MLLT1: variants seen among roughly 807,000 people sequenced by gnomAD.
The protein encoded by MLLT1 is protein ENL.
In MLLT1, 11 loss-of-function variants were observed where a neutral mutation model predicts 55.1. The observed-to-expected ratio is 0.20, with a 90% CI of 0.13 to 0.33. The LOEUF is 0.33. Among genes scored for constraint, MLLT1 ranks in the 10% least tolerant of loss-of-function variants. MLLT1 has a pLI of 1.00. For missense variants in MLLT1, 536 were observed against 760.6 expected (o/e 0.70, Z 3.47); for synonymous variants, 323 against 320.1 (o/e 1.01, Z -0.10).
At chr19:6,272,681 C>G (rs1467931592) in intron 1 of MLLT1, among the ~76,000 whole-genome samples, 2 of 152,352 alleles carry the variant, frequency 1.3e-5, no homozygotes, top group South Asian at 4.1e-4. Context: ...TATCTTGAAA[C>G]CACGGGACAG....
chr19:6,228,876 AC>A lies in MLLT1; in HGVS notation c.420+1693del, dbSNP rs554044608. ...AGAGCGCCCAGCGCCTGGGGCAGAG[AC>A]CCCCCACGGCGCCTGCTTCAGCCTG... On this transcript the variant is annotated intron_variant, in intron 4 of 11. Transcript: ENST00000252674. 4.0e-3 allele frequency among the ~76,000 whole-genome samples: 608 copies of A among 150,556 alleles called. 3 individuals carry two copies. Among genetic ancestry groups the A allele is most frequent in the Middle Eastern group, 0.034 (10 of 290 alleles).
chr19:6,248,148 A>C (rs969646516), intron 3 of MLLT1, among the ~76,000 whole-genome samples: 2 of 152,172 alleles, frequency 1.3e-5, no homozygotes, highest in African/African-American at 4.8e-5. Context: ...TTCGCCTCCC[A>C]AAGTGCTGGG....
At chr19:6,277,486 A>G (rs1215648748) in intron 1 of MLLT1, among the ~76,000 whole-genome samples, 1 of 152,208 alleles carries the variant, frequency 6.6e-6, no homozygotes, top group Non-Finnish European at 1.5e-5. Context: ...TGAAGTTGTC[A>G]TTCGAGTTAG....
In MLLT1 at chr19:6,279,022, TG is replaced by T. The variant is rs933210714; in HGVS notation, c.12+750del. Reference sequence around the variant, plus strand: ...GAGGAGCTCAGGCCAGGGCTGGGGTTGGGAGAGAAAGGGATGCCCTGGCTGC... The same window carrying T: ...GAGGAGCTCAGGCCAGGGCTGGGGTTGGAGAGAAAGGGATGCCCTGGCTGC... On this transcript the variant is annotated intron_variant, in intron 1 of 11. Coordinates refer to ENST00000252674, the MANE Select transcript of MLLT1 (RefSeq NM_005934.4). 3.3e-4 allele frequency among the ~76,000 whole-genome samples: 50 copies of T among 151,402 alleles called. 1 individual carries two copies. The highest frequency in any genetic ancestry group is 1.2e-3 in the African/African-American group (49 of 41,208).
At chr19:6,271,163 C>G (rs2091392498) in intron 1 of MLLT1, among the ~76,000 whole-genome samples, 1 of 152,074 alleles carries the variant, frequency 6.6e-6, no homozygotes, top group Admixed American at 6.5e-5. Flanking sequence ...GGAAGCCTCC[C>G]CTGACCACCG....
rs978910113 is a variant in MLLT1, at chr19:6,211,160, G to A, written c.*1882C>T. On this transcript the variant is annotated 3_prime_UTR_variant, in exon 12 of 12. Coordinates refer to ENST00000252674, the MANE Select transcript of MLLT1 (RefSeq NM_005934.4). The surrounding 1 kb of genome is among the most constrained non-coding windows in gnomAD (Gnocchi z 4.6). ...AGAGCTCCCAGCAGCACGGGCCCCC[G>A]GTCAGCCCCCCTCAGGCCAGTTCCT... is the stretch of plus-strand genomic sequence containing the variant. 7 of 232,578 alleles carry A rather than the reference G, an allele frequency of 3.0e-5. No homozygotes were observed. Among genetic ancestry groups the A allele is most frequent in the Admixed American group, 5.6e-5 (1 of 17,756 alleles). 14.4% of individuals were successfully genotyped at this position (232,578 alleles called of 1,614,324 possible). A position where few individuals can be genotyped will look rare whatever the true frequency, so the allele number is the denominator to read the frequency against.
In MLLT1 at chr19:6,222,423, C is replaced by T. The variant is rs1315713495; in HGVS notation, c.808G>A (p.Gly270Ser). 1.3e-6 allele frequency: 2 copies of T among 1,509,896 alleles called. No homozygotes were observed. The highest frequency in any genetic ancestry group is 2.8e-5 in the African/African-American group (2 of 72,642). The allele number at this position is 1,509,896 out of a possible 1,614,324, so 93.5% of individuals were successfully genotyped here. ...ETKLESTSPK[G>S]GPPPPPPPPP... ...GGTGGGGGTGGGGGTGGGGGCCCACCCTTGGGGGACGTGCTTTCCAGCTTG... is the reference window on the plus strand; with the variant it reads ...GGTGGGGGTGGGGGTGGGGGCCCACTCTTGGGGGACGTGCTTTCCAGCTTG... The change falls in exon 6 of 12, where the codon GGT becomes AGT. Residue 270 changes from glycine (G) to serine (S), a missense_variant. This residue lies in a region of MLLT1 where 449 missense variants were observed against 489.0 expected (regional missense o/e 0.92). Transcript: ENST00000252674. The surrounding 1 kb of genome is among the most constrained non-coding windows in gnomAD (Gnocchi z 4.1).
intron 3 of MLLT1, among the ~76,000 whole-genome samples, chr19:6,241,972 C>T (rs1209258656): frequency 6.6e-6 from 1 of 152,208 alleles, no homozygotes; most frequent in African/African-American, 2.4e-5. Context: ...AGGGGCTGCC[C>T]GCCTCCTGAA....
At position 6,212,905 on chromosome 19, in the gene MLLT1, C is replaced by A; in HGVS notation, c.*137G>T. ...GGGCAGGGAGCCGCCGAGGAAAGTG[C>A]AGCGGGCTGTGCGGGCGAGGACAGG... On this transcript the variant is annotated 3_prime_UTR_variant, in exon 12 of 12. Transcript: ENST00000252674. 8.5e-7 allele frequency: 1 copy of A among 1,178,000 alleles called. No homozygotes were observed. Among genetic ancestry groups the A allele is most frequent in the East Asian group, 2.6e-5 (1 of 39,136 alleles). 73.0% of individuals were successfully genotyped at this position (1,178,000 alleles called of 1,614,324 possible).
chr19:6,250,285 G>GT (rs148321212), intron 3 of MLLT1, among the ~76,000 whole-genome samples: 1 of 152,320 alleles, frequency 6.6e-6, no homozygotes, highest in African/African-American at 2.4e-5. Flanking sequence ...TGCTGAGGAT[G>GT]TAGAGAAATT....
intron 3 of MLLT1, among the ~76,000 whole-genome samples, chr19:6,241,260 C>T (rs2091110442): frequency 6.6e-6 from 1 of 152,194 alleles, no homozygotes; most frequent in African/African-American, 2.4e-5. Flanking sequence ...ATCCCGAGAG[C>T]CCGTGTCCCC....
chr19:6,243,181 G>C (rs1459695544), intron 3 of MLLT1, among the ~76,000 whole-genome samples: 1 of 152,186 alleles, frequency 6.6e-6, no homozygotes, highest in Non-Finnish European at 1.5e-5. Flanking sequence ...CGGTAAAGCT[G>C]AAAGAGACCC....
chr19:6,216,657 G>T, intron 7 of MLLT1, 144 bp from the exon 8 acceptor site: 1 of 612,774 alleles, frequency 1.6e-6, no homozygotes, highest in Non-Finnish European at 2.8e-6. Context: ...GGGTCCCTGT[G>T]CCCATCTCTA....
intron 2 of MLLT1, among the ~76,000 whole-genome samples, chr19:6,264,361 C>A (rs139859608): frequency 6.6e-6 from 1 of 151,830 alleles, no homozygotes; most frequent in South Asian, 2.1e-4. Context: ...AAACCAGACC[C>A]CGAGGAAGGC....
Position 6,211,851 on chromosome 19 carries a change from A to T in MLLT1, c.*1191T>A. ...CCTGGAGAATCTCAGGCATACCAGG[A>T]GTGGGGCTGCGGGCGCGGCACCAGC... On this transcript the variant is annotated 3_prime_UTR_variant, in exon 12 of 12. Coordinates refer to ENST00000252674, the MANE Select transcript of MLLT1 (RefSeq NM_005934.4). The surrounding 1 kb of genome is among the most constrained non-coding windows in gnomAD (Gnocchi z 4.6). 2 of 1,063,986 alleles carry T rather than the reference A, an allele frequency of 1.9e-6. No individual in the cohort carries two copies. The highest frequency in any genetic ancestry group is 2.3e-6 in the Non-Finnish European group (2 of 878,344). The allele number at this position is 1,063,986 out of a possible 1,614,324, so 65.9% of individuals were successfully genotyped here. A position where few individuals can be genotyped will look rare whatever the true frequency, so the allele number is the denominator to read the frequency against.
chr19:6,217,371 C>T (rs1490881960), intron 7 of MLLT1, among the ~76,000 whole-genome samples: 5 of 152,208 alleles, frequency 3.3e-5, no homozygotes, highest in African/African-American at 1.2e-4. Context: ...GGACTGGGGC[C>T]GGGGGCTCAG....
intron 3 of MLLT1, among the ~76,000 whole-genome samples, chr19:6,258,562 A>AT (rs1455914023): frequency 1.3e-5 from 2 of 152,150 alleles, no homozygotes; most frequent in African/African-American, 4.8e-5. Context: ...GAAAGGAGTG[A>AT]TTTTTCTGTA....
rs1434754444 is a variant in MLLT1 at position 6,229,638 on chromosome 19, CAT to C, written c.420+930_420+931del. Among the ~76,000 whole-genome samples the C allele has an allele frequency of 2.6e-5, 4 of 151,758 alleles. No individual in the cohort carries two copies. Among genetic ancestry groups the C allele is most frequent in the African/African-American group, 7.3e-5 (3 of 41,272 alleles). ...ACACACACGCCATGCACACACCATA[CAT>C]GACACAGCAGACAGCGTATGTACAT... On this transcript the variant is annotated intron_variant, in intron 4 of 11. Coordinates refer to ENST00000252674, the MANE Select transcript of MLLT1 (RefSeq NM_005934.4). This position sits in a 1 kb window ranked among gnomAD's most constrained non-coding sequence, Gnocchi z 5.2.
Position 6,258,461 on chromosome 19 carries a change from C to T in MLLT1, c.276+3767G>A, listed in dbSNP as rs368384756. Among the ~76,000 whole-genome samples the T allele has an allele frequency of 2.4e-4, 36 of 152,296 alleles. No individual in the cohort carries two copies. The South Asian group carries it at 6.2e-3, about 26-fold the overall frequency. The stretch of plus-strand genomic sequence containing the variant: ...TCCCAGCAGATGTCAAGCAAGGCAA[C>T]GCTGTCGTCTTGCTTCGGAAAAACT... On this transcript the variant is annotated intron_variant, in intron 3 of 11. Transcript: ENST00000252674.
Sources: gnomAD v4.1 joint callset for allele counts (sites outside exome capture counted in the v4.1 genomes callset) on GRCh38, gnomAD v4.1.1 for gene constraint, gnomAD v4.1.1 regional missense constraint, Gnocchi (gnomAD v3.1) non-coding constraint, MANE v1.5 for transcripts, NCBI Gene and HGNC (gene_info 2026-07-23, HGNC 2026-07-21) for gene names.